Variants in QKI observed in about 807,000 individuals in gnomAD.
The protein encoded by QKI is QKI, KH domain containing RNA binding.
In QKI, 10 loss-of-function variants were observed where a neutral mutation model predicts 39.0. The ratio of observed to expected loss-of-function variants is 0.26; its 90% CI spans 0.16 to 0.43. QKI has a LOEUF of 0.43. Among genes scored for constraint, QKI ranks in the 20% least tolerant of loss-of-function variants. The pLI is 1.00. For missense variants in QKI, 218 were observed against 428.0 expected (o/e 0.51, Z 4.33); for synonymous variants, 204 against 155.4 (o/e 1.31, Z -2.33).
At chr6:163,495,500 T>C (rs954027973) in intron 3 of QKI, among the ~76,000 whole-genome samples, 8 of 152,194 alleles carry the variant, frequency 5.3e-5, no homozygotes, top group African/African-American at 1.9e-4. Context: ...ATCCCTGTCT[T>C]AGAGTGCATT....
intron 3 of QKI, among the ~76,000 whole-genome samples, chr6:163,504,397 T>C (rs1778970738): frequency 2.6e-5 from 4 of 152,280 alleles, no homozygotes; most frequent in African/African-American, 9.6e-5. Context: ...CTGTGATAAG[T>C]GATGTTGGTA....
rs182867154 is a variant in QKI at position 163,551,593 on chromosome 6, A to G, written c.547-10389A>G. Among the ~76,000 whole-genome samples, 240 of 152,384 alleles carry G rather than the reference A, an allele frequency of 1.6e-3. 2 individuals are homozygous for G. The highest frequency in any genetic ancestry group is 5.6e-3 in the African/African-American group (232 of 41,596). On this transcript the variant is annotated intron_variant, in intron 4 of 7. Transcript: ENST00000361752. ...GACTACATCTGAAAATAGTTTGGGT[A>G]TAAGTGAAAGTAGCAGTCATGACAT...
At chr6:163,492,970 C>A (rs1459112672) in intron 3 of QKI, among the ~76,000 whole-genome samples, 1 of 151,994 alleles carries the variant, frequency 6.6e-6, no homozygotes, top group South Asian at 2.1e-4. Flanking sequence ...AAGCCTTTCA[C>A]GTTTAGTGTA....
intron 4 of QKI, among the ~76,000 whole-genome samples, chr6:163,552,470 G>A (rs958499830): frequency 1.1e-4 from 17 of 151,932 alleles, no homozygotes; most frequent in African/African-American, 4.1e-4. Context: ...TCGGCCTCCC[G>A]AAGTGCTGGG....
At chr6:163,444,102 A>G (rs190027850) in intron 1 of QKI, among the ~76,000 whole-genome samples, 1,620 of 152,294 alleles carry the variant, frequency 0.011, 31 homozygotes, top group African/African-American at 0.036. Flanking sequence ...AGTTTAAGAC[A>G]TTTTAGAATA....
intron 4 of QKI, among the ~76,000 whole-genome samples, chr6:163,561,178 T>G (rs1782974691): frequency 6.6e-6 from 1 of 152,242 alleles, no homozygotes; most frequent in South Asian, 2.1e-4. Flanking sequence ...TTTGAAGAAT[T>G]AAGCATAAAA....
intron 1 of QKI, among the ~76,000 whole-genome samples, chr6:163,444,858 C>T (rs1356518221): frequency 2.0e-5 from 3 of 151,826 alleles, no homozygotes; most frequent in Non-Finnish European, 2.9e-5. Flanking sequence ...TATTTCCCCC[C>T]TTCCCTCATT....
intron 1 of QKI, among the ~76,000 whole-genome samples, chr6:163,435,599 T>C (rs949139705): frequency 1.3e-5 from 2 of 152,234 alleles, no homozygotes; most frequent in African/African-American, 4.8e-5. Flanking sequence ...TTAAGTTTTA[T>C]ACATTAAAGC....
chr6:163,495,239 A>G (rs1355304606), intron 3 of QKI, among the ~76,000 whole-genome samples: 1 of 152,162 alleles, frequency 6.6e-6, no homozygotes, highest in Non-Finnish European at 1.5e-5. Flanking sequence ...TTGAACAGAA[A>G]CACATATAAA....
chr6:163,542,315 T>C (rs1358381153), intron 4 of QKI, among the ~76,000 whole-genome samples: 2 of 152,056 alleles, frequency 1.3e-5, no homozygotes, highest in Non-Finnish European at 2.9e-5. Context: ...AGACTTTATA[T>C]GGATACATAT....
At chr6:163,526,186 A>AGGG (rs959967503) in intron 3 of QKI, among the ~76,000 whole-genome samples, 1 of 152,192 alleles carries the variant, frequency 6.6e-6, no homozygotes, top group Non-Finnish European at 1.5e-5. Flanking sequence ...AGGACCTGGA[A>AGGG]GGGGTATATT....
intron 2 of QKI, among the ~76,000 whole-genome samples, chr6:163,473,408 A>G (rs547849206): frequency 1.3e-5 from 2 of 152,304 alleles, no homozygotes; most frequent in South Asian, 4.1e-4. Flanking sequence ...CCCTTTGCAG[A>G]TGGCATGGAC....
At chr6:163,533,963 T>C (rs1781035924) in intron 3 of QKI, among the ~76,000 whole-genome samples, 1 of 152,232 alleles carries the variant, frequency 6.6e-6, no homozygotes, top group South Asian at 2.1e-4. Flanking sequence ...TTTCTTTTAC[T>C]GGAATCTAAC....
intron 1 of QKI, among the ~76,000 whole-genome samples, chr6:163,418,157 T>TA (rs1787692183): frequency 6.6e-6 from 1 of 152,090 alleles, no homozygotes; most frequent in Non-Finnish European, 1.5e-5. Context: ...TAAAATTTAG[T>TA]AAAAATTTTA....
At chr6:163,470,776 G>A in intron 2 of QKI, among the ~76,000 whole-genome samples, 1 of 152,144 alleles carries the variant, frequency 6.6e-6, no homozygotes, top group South Asian at 2.1e-4. Context: ...AAGATTAGAA[G>A]CATTTGAAGA....
Position 163,556,721 on chromosome 6 carries a change from G to T in QKI, c.547-5261G>T, listed in dbSNP as rs548188040. ...CTGTTTGTTACGGACTGGATTATGG[G>T]CGTATCCCCCAGACTCTGCTGGGTG... is the stretch of plus-strand genomic sequence containing the variant. On this transcript the variant is annotated intron_variant, in intron 4 of 7. Transcript: ENST00000361752. Among the ~76,000 whole-genome samples, 11 of 152,168 alleles carry T rather than the reference G, an allele frequency of 7.2e-5. 1 individual carries two copies. The South Asian group carries it at 2.3e-3, about 32-fold the overall frequency.
At chr6:163,465,186 C>T (rs1791643108) in intron 2 of QKI, among the ~76,000 whole-genome samples, 1 of 152,112 alleles carries the variant, frequency 6.6e-6, no homozygotes, top group Admixed American at 6.5e-5. Context: ...TATGCCACAA[C>T]ATAATAAAGG....
chr6:163,432,768 G>T (rs1284307411), intron 1 of QKI, among the ~76,000 whole-genome samples: 1 of 152,116 alleles, frequency 6.6e-6, no homozygotes. Flanking sequence ...TAAGATAAAG[G>T]ATTGCTAGAC....
intron 6 of QKI, chr6:163,565,938 A>G (rs1783338178): frequency 6.2e-7 from 1 of 1,613,202 alleles, no homozygotes; most frequent in South Asian, 1.1e-5. Context: ...CCTTCCTTTT[A>G]TCTTTAGGTA....
Sources: allele counts gnomAD v4.1 joint callset (sites outside exome capture counted in the v4.1 genomes callset), GRCh38; gene constraint gnomAD v4.1.1; transcripts MANE v1.5; gene names NCBI Gene and HGNC (gene_info 2026-07-23, HGNC 2026-07-21).